Variants in ATG7 observed in about 807,000 individuals in gnomAD.
The protein encoded by ATG7 is ubiquitin-like modifier-activating enzyme ATG7.
Under a neutral mutation model 82.4 loss-of-function variants are expected in ATG7, and 70 were observed. The ratio of observed to expected loss-of-function variants is 0.85; its 90% CI spans 0.70 to 1.04. ATG7 has a LOEUF of 1.04. Ranked by LOEUF, ATG7 falls within the 50% of genes least tolerant of loss-of-function variation. ATG7 has a pLI of 0.00. For missense variants in ATG7, 792 were observed against 864.3 expected (o/e 0.92, Z 1.05); for synonymous variants, 287 against 313.0 (o/e 0.92, Z 0.88).
At chr3:11,370,708 G>C (rs2076936816) in intron 18 of ATG7, among the ~76,000 whole-genome samples, 1 of 151,112 alleles carries the variant, frequency 6.6e-6, no homozygotes, top group East Asian at 1.9e-4. Flanking sequence ...AACACCACCA[G>C]GGGTGGGTGG....
At chr3:11,284,702 C>T (rs1437106439) in intron 3 of ATG7, among the ~76,000 whole-genome samples, 2 of 151,958 alleles carry the variant, frequency 1.3e-5, no homozygotes, top group Admixed American at 6.6e-5. Flanking sequence ...CAGGCGTGCA[C>T]CACCACTCCA....
the ATG7 span, among the ~76,000 whole-genome samples, chr3:11,571,337 C>T: frequency 6.6e-6 from 1 of 152,320 alleles, no homozygotes; most frequent in Non-Finnish European, 1.5e-5. Flanking sequence ...AATGCCGCCA[C>T]AGCCAGCATC....
At chr3:11,483,614 T>G (rs952523270) in intron 20 of ATG7, among the ~76,000 whole-genome samples, 21 of 152,248 alleles carry the variant, frequency 1.4e-4, no homozygotes, top group Non-Finnish European at 2.1e-4. Flanking sequence ...CATTTTGGCT[T>G]CTTCTGCCAT....
At chr3:11,564,738 T>C in the ATG7 span, 3 of 1,487,872 alleles carry the variant, frequency 2.0e-6, no homozygotes, top group South Asian at 3.7e-5. Context: ...GGGCTCTCCA[T>C]CCAGCCCAGT....
At chr3:11,574,761 C>A in the ATG7 span, among the ~76,000 whole-genome samples, 2 of 147,762 alleles carry the variant, frequency 1.4e-5, no homozygotes, top group Non-Finnish European at 3.0e-5. Flanking sequence ...TGAATATGTA[C>A]AATTACTGTC....
intron 19 of ATG7, among the ~76,000 whole-genome samples, chr3:11,405,051 T>C (rs9848833): frequency 0.089 from 13,527 of 152,208 alleles, 1,839 homozygotes; most frequent in African/African-American, 0.29. Context: ...TTTTTAAAGC[T>C]TTTTGTTGGC....
chr3:11,486,948 G>A (rs1290783841), intron 20 of ATG7, among the ~76,000 whole-genome samples: 1 of 151,434 alleles, frequency 6.6e-6, no homozygotes, highest in African/African-American at 2.4e-5. Flanking sequence ...AGTGAACAAA[G>A]GTCTTTGGTT....
intron 20 of ATG7, among the ~76,000 whole-genome samples, chr3:11,524,029 G>C (rs1479996174): frequency 2.6e-5 from 4 of 152,186 alleles, no homozygotes; most frequent in African/African-American, 9.7e-5. Flanking sequence ...TGAAAGAACT[G>C]CTTTTATCAT....
intron 20 of ATG7, among the ~76,000 whole-genome samples, chr3:11,539,618 CGGTATTTCTCTTATGACATTTTT>C (rs2070656544): frequency 6.6e-6 from 1 of 152,128 alleles, no homozygotes; most frequent in African/African-American, 2.4e-5. Context: ...GAAAAAGACA[CGGTATTTCTCTTATGACATTTTT>C]GGTAATTATT....
intron 20 of ATG7, among the ~76,000 whole-genome samples, chr3:11,483,804 A>C (rs1347781803): frequency 1.3e-5 from 2 of 152,088 alleles, no homozygotes; most frequent in East Asian, 3.9e-4. Flanking sequence ...ATCAGGATGG[A>C]CTCTACGGTA....
chr3:11,546,991 C>G (rs532021140), intron 20 of ATG7, among the ~76,000 whole-genome samples: 1 of 152,228 alleles, frequency 6.6e-6, no homozygotes, highest in Non-Finnish European at 1.5e-5. Context: ...GGAGCCAGGT[C>G]AGGAGCTGGC....
chr3:11,427,035 G>A (rs996712981), intron 20 of ATG7, 109 bp downstream of exon 20: 12 of 1,331,806 alleles, frequency 9.0e-6, no homozygotes, highest in Non-Finnish European at 1.2e-5. Context: ...TTGTAACTTA[G>A]AGCAAATATC....
chr3:11,513,911 TGAGGCAGCA>T (rs2092173973), intron 20 of ATG7, among the ~76,000 whole-genome samples: 1 of 152,248 alleles, frequency 6.6e-6, no homozygotes, highest in African/African-American at 2.4e-5. Flanking sequence ...TTTCTTTTTT[TGAGGCAGCA>T]TCTTGCTGTG....
intron 20 of ATG7, among the ~76,000 whole-genome samples, chr3:11,489,491 T>TTTTA (rs201740704): frequency 6.8e-6 from 1 of 146,928 alleles, no homozygotes; most frequent in Non-Finnish European, 1.5e-5. Context: ...TCAGTTCTGC[T>TTTTA]CTTTAGTTAT....
At chr3:11,330,362 G>A (rs1951470797) in intron 9 of ATG7, among the ~76,000 whole-genome samples, 1 of 152,150 alleles carries the variant, frequency 6.6e-6, no homozygotes, top group Non-Finnish European at 1.5e-5. Context: ...ATTTATATCA[G>A]TGTGGACTCG....
At chr3:11,520,249 T>C (rs1393961329) in intron 20 of ATG7, among the ~76,000 whole-genome samples, 2 of 152,172 alleles carry the variant, frequency 1.3e-5, no homozygotes, top group African/African-American at 4.8e-5. Context: ...CACACCTCGA[T>C]ATGCTCCTCT....
chr3:11,484,028 G>C (rs1055698579), intron 20 of ATG7, among the ~76,000 whole-genome samples: 1 of 152,088 alleles, frequency 6.6e-6, no homozygotes, highest in African/African-American at 2.4e-5. Flanking sequence ...ATTACTTATG[G>C]GCATGTATTA....
rs1226222073 is a variant in ATG7, at chr3:11,380,061, T to C, written c.1956+9T>C. ...CAGCTTGTTCTTCCAAAGTAAGTCATTTTGTATTGGAGGGACTTGTTTTTA... is the reference window on the plus strand; with the variant it reads ...CAGCTTGTTCTTCCAAAGTAAGTCACTTTGTATTGGAGGGACTTGTTTTTA... On this transcript the variant is annotated intron_variant, in intron 19 of 20. Transcript: ENST00000693202. 1 of 1,612,018 alleles carries C rather than the reference T, an allele frequency of 6.2e-7. No individual in the cohort carries two copies. The highest frequency in any genetic ancestry group is 8.5e-7 in the Non-Finnish European group (1 of 1,178,154).
At chr3:11,361,360 C>T (rs2152812795) in intron 16 of ATG7, among the ~76,000 whole-genome samples, 1 of 152,032 alleles carries the variant, frequency 6.6e-6, no homozygotes, top group Admixed American at 6.5e-5. Context: ...TCTCGGCTCC[C>T]TGCAACCTCT....
Sources: gnomAD v4.1 joint callset for allele counts (sites outside exome capture counted in the v4.1 genomes callset) on GRCh38, gnomAD v4.1.1 for gene constraint, MANE v1.5 for transcripts, NCBI Gene and HGNC (gene_info 2026-07-23, HGNC 2026-07-21) for gene names.